The following ELK3 variants were observed in gnomAD, a reference collection of about 807,000 sequenced individuals.
The protein encoded by ELK3 is ETS transcription factor ELK3, also known as ETS domain-containing protein Elk-3.
A neutral mutation model predicts 28.9 loss-of-function variants in ELK3; 10 were observed. The ratio of observed to expected loss-of-function variants is 0.35; its 90% confidence interval spans 0.21 to 0.59. ELK3 has a LOEUF of 0.59. Ranked by LOEUF, ELK3 falls within the 20% of genes least tolerant of loss-of-function variation. ELK3 has a pLI of 0.82. For synonymous variants in ELK3, 272 were observed against 243.5 expected (o/e 1.12, Z -1.09); for missense variants, 463 against 517.3 (o/e 0.90, Z 1.02).
intron 1 of ELK3, among the ~76,000 whole-genome samples, chr12:96,221,279 A>G (rs1052625825): frequency 4.6e-5 from 7 of 152,238 alleles, no homozygotes; most frequent in African/African-American, 1.7e-4. Flanking sequence ...TGTGATGCAC[A>G]AGAAGCTCCG....
intron 2 of ELK3, among the ~76,000 whole-genome samples, chr12:96,232,551 A>G (rs1334897195): frequency 6.6e-6 from 1 of 151,318 alleles, no homozygotes; most frequent in Non-Finnish European, 1.5e-5. Flanking sequence ...AGCCTGGGCA[A>G]CTGAGCAAGG....
intron 2 of ELK3, among the ~76,000 whole-genome samples, chr12:96,236,884 C>T (rs1951788238): frequency 6.6e-6 from 1 of 152,238 alleles, no homozygotes; most frequent in Admixed American, 6.5e-5. Context: ...CAGGGCCCCG[C>T]TCCCTCTGAA....
intron 2 of ELK3, among the ~76,000 whole-genome samples, chr12:96,240,973 AT>A (rs1413436977): frequency 1.3e-5 from 2 of 152,226 alleles, no homozygotes; most frequent in Non-Finnish European, 2.9e-5. Flanking sequence ...GATGGGTGAA[AT>A]TATGGCTCAT....
chr12:96,223,515 T>C (rs1215633193), intron 1 of ELK3, 50 bp from the exon 2 acceptor site: 5 of 1,593,252 alleles, frequency 3.1e-6, no homozygotes, highest in Non-Finnish European at 4.3e-6. Context: ...CTCGCCAAGT[T>C]TGGTCGGCAT....
intron 1 of ELK3, among the ~76,000 whole-genome samples, chr12:96,219,600 C>T (rs1951648273): frequency 6.6e-6 from 1 of 152,156 alleles, no homozygotes; most frequent in Non-Finnish European, 1.5e-5. Context: ...CCACTGCCCA[C>T]CTGTCCCCCT....
chr12:96,196,473 T>G (rs1375053305), intron 1 of ELK3, among the ~76,000 whole-genome samples: 1 of 152,138 alleles, frequency 6.6e-6, no homozygotes, highest in African/African-American at 2.4e-5. Context: ...CGAAATCGAT[T>G]TGTGAGCCTT....
rs564204966 is a variant in ELK3, at chr12:96,269,481, T to C, written c.*2301T>C. ...ATTAGAAATGCAAAAATACTACAAT[T>C]TTTTGATGGATGAAAATACTCCTGT... On this transcript the variant is annotated 3_prime_UTR_variant, in exon 5 of 5. Coordinates refer to ENST00000228741, the MANE Select transcript of ELK3 (RefSeq NM_005230.4). 6.6e-6 allele frequency: 1 copy of C among 152,312 alleles called. No individual in the cohort carries two copies. Among genetic ancestry groups the C allele is most frequent in the South Asian group, 2.1e-4 (1 of 4,826 alleles). 9.4% of individuals were successfully genotyped at this position (152,312 alleles called of 1,614,324 possible). A position where few individuals can be genotyped will look rare whatever the true frequency, so the allele number is the denominator to read the frequency against.
At chr12:96,218,920 T>A (rs1951642059) in intron 1 of ELK3, among the ~76,000 whole-genome samples, 1 of 152,164 alleles carries the variant, frequency 6.6e-6, no homozygotes, top group Admixed American at 6.5e-5. Context: ...AGTGCTGGGA[T>A]TACAGGCGTG....
At chr12:96,210,565 G>GCACACACACA (rs56257302) in intron 1 of ELK3, among the ~76,000 whole-genome samples, 1 of 146,410 alleles carries the variant, frequency 6.8e-6, no homozygotes, top group Middle Eastern at 3.5e-3. Context: ...GCGGGCGCAC[G>GCACACACACA]CACACACACA....
At position 96,246,920 on chromosome 12, in the gene ELK3, G is replaced by A. The variant is rs368524043; in HGVS notation, c.208-20G>A. On this transcript the variant is annotated intron_variant, in intron 2 of 4. Coordinates refer to ENST00000228741, the MANE Select transcript of ELK3 (RefSeq NM_005230.4). ...TCTCGGGTGCACTCAGATTTTCAAC[G>A]TCTACTTTTGTATTTGCAGAACATC... 174 of 1,565,094 alleles carry A rather than the reference G, an allele frequency of 1.1e-4. No individual in the cohort carries two copies. In the African/African-American group the frequency reaches 1.9e-3, roughly 17 times the overall value.
intron 1 of ELK3, among the ~76,000 whole-genome samples, chr12:96,202,759 T>A (rs1951515276): frequency 6.6e-6 from 1 of 152,046 alleles, no homozygotes; most frequent in Non-Finnish European, 1.5e-5. Flanking sequence ...ACTCCTGGCC[T>A]CAACTGATCC....
chr12:96,229,876 C>T (rs912462553), intron 2 of ELK3, among the ~76,000 whole-genome samples: 10 of 152,056 alleles, frequency 6.6e-5, no homozygotes, highest in African/African-American at 2.4e-4. Flanking sequence ...TTAGGGCCCA[C>T]CTTAATGCAT....
chr12:96,215,065 C>G (rs920799052), intron 1 of ELK3, among the ~76,000 whole-genome samples: 4 of 151,768 alleles, frequency 2.6e-5, no homozygotes, highest in African/African-American at 9.7e-5. Context: ...TTGTTTATTC[C>G]TTACCCAGAA....
intron 4 of ELK3, among the ~76,000 whole-genome samples, chr12:96,262,702 AAAC>A (rs1205090621): frequency 4.6e-5 from 7 of 152,368 alleles, no homozygotes; most frequent in South Asian, 2.1e-4. Context: ...TGAGAACGGT[AAAC>A]AACAAAATAT....
chr12:96,207,380 C>T (rs1286686860), intron 1 of ELK3, among the ~76,000 whole-genome samples: 1 of 152,204 alleles, frequency 6.6e-6, no homozygotes, highest in Non-Finnish European at 1.5e-5. Flanking sequence ...ACCTTTGTGA[C>T]TTCAGATGCA....
At chr12:96,201,997 C>T (rs1819759377) in intron 1 of ELK3, among the ~76,000 whole-genome samples, 2 of 152,172 alleles carry the variant, frequency 1.3e-5, no homozygotes, top group South Asian at 2.1e-4. Flanking sequence ...AGTTGGTGCT[C>T]TGTAGCACCA....
chr12:96,260,017 A>G (rs1422590888), intron 4 of ELK3, among the ~76,000 whole-genome samples, 164 bp downstream of exon 4: 1 of 151,692 alleles, frequency 6.6e-6, no homozygotes, highest in East Asian at 1.9e-4. Flanking sequence ...AGAGGCAGAC[A>G]TTTTCATTGA....
intron 4 of ELK3, among the ~76,000 whole-genome samples, chr12:96,266,730 T>TAAAC (rs1414477512): frequency 1.3e-5 from 2 of 152,172 alleles, no homozygotes; most frequent in Non-Finnish European, 2.9e-5. Flanking sequence ...TATTTAATAT[T>TAAAC]AAACATTATT....
chr12:96,229,632 A>G (rs1220138752), intron 2 of ELK3, among the ~76,000 whole-genome samples: 1 of 142,590 alleles, frequency 7.0e-6, no homozygotes, highest in Non-Finnish European at 1.5e-5. Context: ...CCCAGATTCA[A>G]GGGAGTCTCC....
Sources: gnomAD v4.1 joint callset for allele counts (sites outside exome capture counted in the v4.1 genomes callset) on GRCh38, gnomAD v4.1.1 for gene constraint, MANE v1.5 for transcripts, NCBI Gene and HGNC (gene_info 2026-07-23, HGNC 2026-07-21) for gene names.